The following NAALADL2 variants were observed in gnomAD, a reference collection of about 807,000 sequenced individuals.
NAALADL2 encodes N-acetylated alpha-linked acidic dipeptidase like 2, also known as inactive N-acetylated-alpha-linked acidic dipeptidase-like protein 2.
A neutral mutation model predicts 87.2 loss-of-function variants in NAALADL2; 76 were observed. The observed-to-expected ratio is 0.87, with a 90% CI of 0.72 to 1.05. The LOEUF is 1.05. NAALADL2 is among the 50% of genes least tolerant of loss of function. The pLI, the probability that NAALADL2 is intolerant of heterozygous loss-of-function variation, is 0.00. For synonymous variants in NAALADL2, 354 were observed against 331.0 expected, an observed-to-expected ratio of 1.07 and a Z score of -0.75; for missense variants, 1,089 against 945.8, an observed-to-expected ratio of 1.15 and a Z score of -1.99.
At chr3:175,553,813 C>A (rs1714826890) in intron 9 of NAALADL2, among the ~76,000 whole-genome samples, 1 of 151,212 alleles carries the variant, frequency 6.6e-6, no homozygotes. Flanking sequence ...AAAACATTAT[C>A]AGTATTGATT....
chr3:175,064,302 A>G (rs1714138378), intron 1 of NAALADL2, among the ~76,000 whole-genome samples: 1 of 152,134 alleles, frequency 6.6e-6, no homozygotes, highest in African/African-American at 2.4e-5. Context: ...GGTTCAAACA[A>G]TGTAGTTTCT....
At chr3:174,794,781 A>ATAAG (rs1234067076) in intron 3 of NAALADL2, among the ~76,000 whole-genome samples, 5 of 152,142 alleles carry the variant, frequency 3.3e-5, no homozygotes, top group Non-Finnish European at 5.9e-5. Flanking sequence ...TCTTAGCACT[A>ATAAG]TAAGTAAGAT....
At chr3:174,919,570 C>T (rs1734865029) in intron 1 of NAALADL2, among the ~76,000 whole-genome samples, 1 of 152,146 alleles carries the variant, frequency 6.6e-6, no homozygotes, top group Non-Finnish European at 1.5e-5. Flanking sequence ...TTGCTGCTTC[C>T]ACCACATCTG....
rs555043664 is a variant in NAALADL2, at chr3:175,103,705, T to A, written c.545+6414T>A. Among the ~76,000 whole-genome samples, 5 of 152,304 alleles carry A rather than the reference T, an allele frequency of 3.3e-5. No individual in the cohort carries two copies. The South Asian group carries it at 8.3e-4, about 25-fold the overall frequency. On this transcript the variant is annotated intron_variant, in intron 2 of 13. Transcript: ENST00000454872. ...GATACAAATAAGTTCATTTAACTTA[T>A]AGGGATGAATTTTTCTTTTCTGGAA...
chr3:175,447,343 C>A lies in NAALADL2; in HGVS notation c.1205C>A (p.Ala402Glu), dbSNP rs370137851. ...CCAAAAGCTAGAACCAAAAATGAAG[C>A]GTGTAGCTCTCTAGAGCTTCCAAAT... ...SSPKARTKNE[A>E]CSSLELPNNE... The change falls in exon 6 of 14, where the codon GCG (alanine) becomes GAG (glutamate). Residue 402 changes from alanine to glutamate, a missense_variant. Transcript: ENST00000454872. 2.5e-6 allele frequency: 4 copies of A among 1,594,336 alleles called. No homozygotes were observed. Among genetic ancestry groups the A allele is most frequent in the Non-Finnish European group, 2.6e-6 (3 of 1,169,854 alleles).
At position 174,596,555 on chromosome 3, in the gene NAALADL2, T is replaced by A. The variant is rs542567589; in HGVS notation, c.-115+45918T>A. ...GTAGGTCTTGGGTAGAGAATGAAAATTTACTTTTCTAACAAGTTTCCAAGT... is the reference window on the plus strand; with the variant it reads ...GTAGGTCTTGGGTAGAGAATGAAAAATTACTTTTCTAACAAGTTTCCAAGT... On this transcript the variant is annotated intron_variant, in intron 2 of 3. Transcript: ENST00000434257. Among the ~76,000 whole-genome samples the A allele has an allele frequency of 2.0e-5, 3 of 152,262 alleles. No individual in the cohort carries two copies. In the East Asian group the frequency reaches 5.8e-4, roughly 29 times the overall value.
At chr3:175,792,013 C>G (rs886151831) in intron 13 of NAALADL2, among the ~76,000 whole-genome samples, 4 of 151,152 alleles carry the variant, frequency 2.6e-5, no homozygotes, top group African/African-American at 4.9e-5. Flanking sequence ...CTGTCTAGTA[C>G]TTGCATTTAA....
chr3:175,795,396 G>GGGCGC (rs1178129613), intron 13 of NAALADL2, among the ~76,000 whole-genome samples: 8 of 151,974 alleles, frequency 5.3e-5, no homozygotes, highest in South Asian at 4.1e-4. Flanking sequence ...CTCTGTCAAT[G>GGGCGC]GGCGCGATGG....
chr3:175,005,361 C>T (rs1399877487), intron 1 of NAALADL2, among the ~76,000 whole-genome samples: 1 of 152,100 alleles, frequency 6.6e-6, no homozygotes, highest in African/African-American at 2.4e-5. Flanking sequence ...GTATTTCACC[C>T]CTATGCTGGT....
intron 9 of NAALADL2, among the ~76,000 whole-genome samples, chr3:175,566,040 G>A (rs1292707033): frequency 6.6e-6 from 1 of 151,968 alleles, no homozygotes; most frequent in Non-Finnish European, 1.5e-5. Flanking sequence ...ATGTTGGCCA[G>A]GCTGGTCTTG....
chr3:174,445,403 T>G (rs527583882), intron 1 of NAALADL2, among the ~76,000 whole-genome samples: 2 of 152,282 alleles, frequency 1.3e-5, no homozygotes, highest in South Asian at 4.1e-4. Flanking sequence ...GTCCCAGTTA[T>G]GTCCCCAGGT....
chr3:175,318,800 A>G (rs954017885), intron 4 of NAALADL2, among the ~76,000 whole-genome samples: 2 of 151,980 alleles, frequency 1.3e-5, no homozygotes, highest in African/African-American at 4.8e-5. Flanking sequence ...ACTCTCCCCA[A>G]CCGCTCTCTA....
intron 2 of NAALADL2, among the ~76,000 whole-genome samples, chr3:174,588,288 T>C (rs1032013913): frequency 2.0e-5 from 3 of 152,184 alleles, no homozygotes; most frequent in Admixed American, 6.5e-5. Flanking sequence ...TTTCAAGGTT[T>C]TTAGCTTCTT....
chr3:175,537,452 G>T (rs943427868), intron 9 of NAALADL2, among the ~76,000 whole-genome samples: 1 of 152,186 alleles, frequency 6.6e-6, no homozygotes, highest in African/African-American at 2.4e-5. Context: ...AGGACAATTA[G>T]ATAATGAACT....
chr3:175,584,184 T>C (rs1458434235), intron 10 of NAALADL2, among the ~76,000 whole-genome samples: 1 of 151,946 alleles, frequency 6.6e-6, no homozygotes, highest in Non-Finnish European at 1.5e-5. Context: ...ATTACAGGCA[T>C]GCACCACCAT....
intron 1 of NAALADL2, among the ~76,000 whole-genome samples, chr3:174,934,299 C>T (rs748514929): frequency 6.6e-6 from 1 of 152,144 alleles, no homozygotes; most frequent in Non-Finnish European, 1.5e-5. Context: ...ACTCGGATTA[C>T]ATGTCAAATG....
At chr3:175,580,525 G>T (rs1345286977) in intron 10 of NAALADL2, among the ~76,000 whole-genome samples, 2 of 152,090 alleles carry the variant, frequency 1.3e-5, no homozygotes, top group African/African-American at 4.8e-5. Flanking sequence ...TCCTTTAAAA[G>T]TTCTTGATTT....
intron 2 of NAALADL2, among the ~76,000 whole-genome samples, chr3:174,664,354 T>G (rs888901987): frequency 3.9e-5 from 6 of 152,164 alleles, no homozygotes; most frequent in Admixed American, 2.6e-4. Flanking sequence ...ATAGACAGAT[T>G]GGGGCTAAAC....
At chr3:174,771,659 A>C (rs1178185292) in intron 3 of NAALADL2, among the ~76,000 whole-genome samples, 1 of 152,220 alleles carries the variant, frequency 6.6e-6, no homozygotes, top group Non-Finnish European at 1.5e-5. Flanking sequence ...TCTACACACA[A>C]ACTAGACCCA....
Sources: allele counts gnomAD v4.1 joint callset (sites outside exome capture counted in the v4.1 genomes callset), GRCh38; gene constraint gnomAD v4.1.1; transcripts MANE v1.5; gene names NCBI Gene and HGNC (gene_info 2026-07-23, HGNC 2026-07-21).